PARD3B: variants seen among roughly 807,000 people sequenced by gnomAD.
PARD3B encodes partitioning defective 3 homolog B.
A neutral mutation model predicts 130.2 loss-of-function variants in PARD3B; 103 were observed. The observed-to-expected ratio is 0.79, with a 90% CI of 0.67 to 0.93. The LOEUF (loss-of-function observed/expected upper bound fraction) is 0.93. Among genes scored for constraint, PARD3B ranks in the 40% least tolerant of loss-of-function variants. The probability of loss-of-function intolerance (pLI) is 0.00; values close to 1 mark genes in which losing one functional copy is unlikely to be tolerated. For missense variants in PARD3B, 1,609 were observed against 1,499.2 expected, an observed-to-expected ratio of 1.07 and a Z score of -1.21; for synonymous variants, 583 against 553.2, an observed-to-expected ratio of 1.05 and a Z score of -0.76.
chr2:204,825,641 G>A (rs910776968), intron 2 of PARD3B, among the ~76,000 whole-genome samples: 2 of 152,202 alleles, frequency 1.3e-5, no homozygotes, highest in Non-Finnish European at 1.5e-5. Context: ...TGGCATTGGA[G>A]AGTGGCCACC....
At chr2:204,741,767 ACACAAGC>A (rs2040018530) in intron 2 of PARD3B, among the ~76,000 whole-genome samples, 1 of 152,132 alleles carries the variant, frequency 6.6e-6, no homozygotes, top group Non-Finnish European at 1.5e-5. Context: ...CCCAGTGGGG[ACACAAGC>A]CATCTGGCCC....
At chr2:205,254,185 C>T (rs557927471) in intron 16 of PARD3B, among the ~76,000 whole-genome samples, 1 of 143,414 alleles carries the variant, frequency 7.0e-6, no homozygotes, top group African/African-American at 2.6e-5. Context: ...TCATTTTAAA[C>T]ATCTTTGGAA....
intron 2 of PARD3B, among the ~76,000 whole-genome samples, chr2:204,754,458 G>T (rs2040585650): frequency 6.6e-6 from 1 of 152,096 alleles, no homozygotes; most frequent in African/African-American, 2.4e-5. Flanking sequence ...ACCTCTTTGT[G>T]CCTCAGTTCC....
Position 205,241,665 on chromosome 2 carries a change from A to T in PARD3B, c.2141-4113A>T, listed in dbSNP as rs371118541. Reference sequence around the variant, plus strand: ...AGAAACTTAGACTCTTGCTCCATCAACACTCTCTTACTCAATGCTTTTAAT... The same window carrying T: ...AGAAACTTAGACTCTTGCTCCATCATCACTCTCTTACTCAATGCTTTTAAT... On this transcript the variant is annotated intron_variant, in intron 15 of 22. Coordinates refer to ENST00000406610, the MANE Select transcript of PARD3B (RefSeq NM_001302769.2). This position sits in a 1 kb window ranked among gnomAD's most constrained non-coding sequence, Gnocchi z 4.2. Among the ~76,000 whole-genome samples the T allele has an allele frequency of 2.0e-5, 3 of 152,170 alleles. No individual in the cohort carries two copies. The highest frequency in any genetic ancestry group is 7.2e-5 in the African/African-American group (3 of 41,454).
intron 2 of PARD3B, among the ~76,000 whole-genome samples, chr2:204,687,704 C>T (rs2037154499): frequency 6.6e-6 from 1 of 152,150 alleles, no homozygotes. Flanking sequence ...AGTTCTTTCA[C>T]CCTGTTTCAC....
intron 6 of PARD3B, among the ~76,000 whole-genome samples, chr2:205,117,557 T>C (rs1439803172): frequency 6.6e-6 from 1 of 152,236 alleles, no homozygotes; most frequent in Non-Finnish European, 1.5e-5. Flanking sequence ...TAGATTCCCC[T>C]TTTCTATGGC....
At chr2:204,882,433 T>C (rs748530634) in intron 2 of PARD3B, among the ~76,000 whole-genome samples, 15 of 152,232 alleles carry the variant, frequency 9.9e-5, no homozygotes, top group Non-Finnish European at 2.1e-4. Context: ...CAAATGCCAA[T>C]AGACTGCTTT....
At chr2:205,328,347 C>T (rs572838211) in intron 18 of PARD3B, among the ~76,000 whole-genome samples, 4 of 152,268 alleles carry the variant, frequency 2.6e-5, no homozygotes, top group South Asian at 4.1e-4. Context: ...ATAACTGCTA[C>T]AATTTGCAAT....
intron 20 of PARD3B, among the ~76,000 whole-genome samples, chr2:205,494,153 C>G (rs1383929663): frequency 1.3e-5 from 2 of 152,148 alleles, no homozygotes; most frequent in African/African-American, 4.8e-5. Flanking sequence ...CAACACCTCT[C>G]CTTCCAAATG....
chr2:204,819,923 G>A (rs532509705), intron 2 of PARD3B, among the ~76,000 whole-genome samples: 1 of 152,044 alleles, frequency 6.6e-6, no homozygotes, highest in Non-Finnish European at 1.5e-5. Flanking sequence ...GCTAGCAGAG[G>A]GTTGGTTCAT....
At position 204,799,319 on chromosome 2, in the gene PARD3B, T is replaced by A. The variant is rs556978468; in HGVS notation, c.222+113037T>A. On this transcript the variant is annotated intron_variant, in intron 2 of 22. Coordinates refer to ENST00000406610, the MANE Select transcript of PARD3B (RefSeq NM_001302769.2). The surrounding 1 kb of genome is among the most constrained non-coding windows in gnomAD (Gnocchi z 4.1). ...GGACAGGGAAGAGTGGGGAGGACTT[T>A]GTCATGTGGCTTGAATGCCAGCACA... Among the ~76,000 whole-genome samples, 1 of 152,314 alleles carries A rather than the reference T, an allele frequency of 6.6e-6. No individual in the cohort carries two copies. Among genetic ancestry groups the A allele is most frequent in the East Asian group, 1.9e-4 (1 of 5,172 alleles).
chr2:204,617,693 T>G (rs546436213), intron 1 of PARD3B, among the ~76,000 whole-genome samples: 2 of 152,172 alleles, frequency 1.3e-5, no homozygotes, highest in African/African-American at 2.4e-5. Flanking sequence ...AAGAGGTAAC[T>G]CCCACTCTCC....
chr2:205,203,120 A>G (rs1041571618), intron 15 of PARD3B, among the ~76,000 whole-genome samples: 3 of 151,848 alleles, frequency 2.0e-5, no homozygotes, highest in African/African-American at 4.9e-5. Context: ...CCCAGAAGAG[A>G]TACAAAAAAA....
Position 205,241,202 on chromosome 2 carries a change from G to A in PARD3B, c.2141-4576G>A, listed in dbSNP as rs953083707. 6.6e-6 allele frequency among the ~76,000 whole-genome samples: 1 copy of A among 152,090 alleles called. No individual in the cohort carries two copies. Among genetic ancestry groups the A allele is most frequent in the Non-Finnish European group, 1.5e-5 (1 of 67,988 alleles). ...CTTCCTGAATCAGAGAACACACCAGGAAATTAACAAGCATCCAAGCCAAAG... is the reference window on the plus strand; with the variant it reads ...CTTCCTGAATCAGAGAACACACCAGAAAATTAACAAGCATCCAAGCCAAAG... On this transcript the variant is annotated intron_variant, in intron 15 of 22. Coordinates refer to ENST00000406610, the MANE Select transcript of PARD3B (RefSeq NM_001302769.2). This position sits in a 1 kb window ranked among gnomAD's most constrained non-coding sequence, Gnocchi z 4.2.
chr2:205,295,774 G>A (rs35131983), intron 16 of PARD3B, among the ~76,000 whole-genome samples: 4,124 of 152,190 alleles, frequency 0.027, 76 homozygotes, highest in Non-Finnish European at 0.038. Flanking sequence ...CTAATTAGGT[G>A]ATTATAGCCT....
At chr2:205,417,521 G>A (rs2046821868) in intron 19 of PARD3B, among the ~76,000 whole-genome samples, 1 of 152,140 alleles carries the variant, frequency 6.6e-6, no homozygotes, top group South Asian at 2.1e-4. Context: ...TTCCACAATG[G>A]TTGAACTAGT....
chr2:205,489,522 T>TATATGTATATATATAC (rs1559141351), intron 20 of PARD3B, among the ~76,000 whole-genome samples: 1 of 126,416 alleles, frequency 7.9e-6, no homozygotes, highest in Non-Finnish European at 1.7e-5. Context: ...TATATATATA[T>TATATGTATATATATAC]ACACACATAT....
chr2:204,745,148 A>G (rs929189224), intron 2 of PARD3B, among the ~76,000 whole-genome samples: 4 of 152,152 alleles, frequency 2.6e-5, no homozygotes, highest in African/African-American at 4.8e-5. Flanking sequence ...ATGGAATTCC[A>G]GAATCGATGA....
At chr2:204,820,211 G>T (rs932186296) in intron 2 of PARD3B, among the ~76,000 whole-genome samples, 10 of 151,308 alleles carry the variant, frequency 6.6e-5, no homozygotes, top group African/African-American at 2.4e-4. Context: ...AAGCAGCTGG[G>T]ATAACAGGCG....
Sources: gnomAD v4.1 joint callset for allele counts (sites outside exome capture counted in the v4.1 genomes callset) on GRCh38, gnomAD v4.1.1 for gene constraint, Gnocchi (gnomAD v3.1) non-coding constraint, MANE v1.5 for transcripts, NCBI Gene and HGNC (gene_info 2026-07-23, HGNC 2026-07-21) for gene names.